SLC35F4: variants seen among roughly 807,000 people sequenced by gnomAD.
The protein encoded by SLC35F4 is solute carrier family 35 member F4.
A neutral mutation model predicts 44.2 loss-of-function variants in SLC35F4; 24 were observed. The ratio of observed to expected loss-of-function variants is 0.54; its 90% CI spans 0.39 to 0.76. The LOEUF (loss-of-function observed/expected upper bound fraction) is 0.76, where lower values mean the gene tolerates loss of function less well. SLC35F4 is among the 30% of genes least tolerant of loss of function. The pLI is 0.00. For synonymous variants in SLC35F4, 238 were observed against 223.6 expected (o/e 1.06, Z -0.57); for missense variants, 562 against 586.1 (o/e 0.96, Z 0.42).
At chr14:57,907,120 T>C (rs1490228462) in intron 1 of SLC35F4, among the ~76,000 whole-genome samples, 1 of 152,222 alleles carries the variant, frequency 6.6e-6, no homozygotes, top group African/African-American at 2.4e-5. Context: ...TCTCTCTTGC[T>C]CTGTTGTCCA....
At chr14:57,685,426 C>A (rs1313098010) in intron 1 of SLC35F4, among the ~76,000 whole-genome samples, 1 of 152,130 alleles carries the variant, frequency 6.6e-6, no homozygotes, top group African/African-American at 2.4e-5. Flanking sequence ...GGGCCCTAAT[C>A]CCTTTGGTTA....
intron 1 of SLC35F4, among the ~76,000 whole-genome samples, chr14:57,644,593 T>C (rs2073414799): frequency 6.6e-6 from 1 of 152,156 alleles, no homozygotes; most frequent in South Asian, 2.1e-4. Flanking sequence ...TGGTTTCTTT[T>C]GCTGTGCAGA....
intron 1 of SLC35F4, among the ~76,000 whole-genome samples, chr14:57,690,506 C>A (rs1373163466): frequency 6.6e-6 from 1 of 151,976 alleles, no homozygotes; most frequent in Admixed American, 6.6e-5. Context: ...GGACTGGTTT[C>A]ATGAAAGACA....
chr14:57,923,203 T>G (rs1950290), intron 1 of SLC35F4, among the ~76,000 whole-genome samples: 76,213 of 151,910 alleles, frequency 0.5, 19,462 homozygotes, highest in East Asian at 0.76. Flanking sequence ...CTTCAAACAC[T>G]TTCTCAAAGT....
chr14:57,639,958 T>G (rs1158030323), intron 1 of SLC35F4, among the ~76,000 whole-genome samples: 1 of 151,986 alleles, frequency 6.6e-6, no homozygotes, highest in African/African-American at 2.4e-5. Flanking sequence ...AATTTTAGCT[T>G]CAAGAAACAA....
chr14:57,606,705 T>C (rs556797637), intron 1 of SLC35F4, among the ~76,000 whole-genome samples: 86 of 152,304 alleles, frequency 5.6e-4, no homozygotes, highest in Non-Finnish European at 8.4e-4. Flanking sequence ...AAATACTCCT[T>C]TATGGACTGT....
chr14:57,955,176 G>A (rs1381080998), intron 1 of SLC35F4, among the ~76,000 whole-genome samples: 2 of 151,704 alleles, frequency 1.3e-5, no homozygotes, highest in Non-Finnish European at 2.9e-5. Context: ...ACATAAACAG[G>A]ACCAATGACA....
chr14:57,647,990 G>C (rs147110389), intron 1 of SLC35F4, among the ~76,000 whole-genome samples: 3,681 of 152,206 alleles, frequency 0.024, 95 homozygotes, highest in Non-Finnish European at 0.032. Flanking sequence ...GCTTTATTCA[G>C]AATTGAGCGG....
chr14:57,588,357 A>ATTTT lies in SLC35F4; in HGVS notation c.587+855_587+858dup, dbSNP rs60172708. Among the ~76,000 whole-genome samples, 298 of 150,650 alleles carry ATTTT rather than the reference A, an allele frequency of 2.0e-3. 1 individual carries two copies. Among genetic ancestry groups the ATTTT allele is most frequent in the Middle Eastern group, 0.01 (3 of 286 alleles). On this transcript the variant is annotated intron_variant, in intron 3 of 7. Transcript: ENST00000556826. ...CCATCTGCCATCCACTGGTGTCCCTATTTTTTTTTCTCCTGGGTGATCATA... is the reference window on the plus strand; with the variant it reads ...CCATCTGCCATCCACTGGTGTCCCTATTTTTTTTTTTTTCTCCTGGGTGATCATA...
intron 1 of SLC35F4, among the ~76,000 whole-genome samples, chr14:57,677,533 G>A (rs925699932): frequency 8.6e-5 from 13 of 152,038 alleles, no homozygotes; most frequent in Non-Finnish European, 1.3e-4. Context: ...AAGTTAACTT[G>A]CTGTTTGAGT....
At chr14:57,755,363 C>T (rs2076972354) in intron 1 of SLC35F4, among the ~76,000 whole-genome samples, 1 of 152,074 alleles carries the variant, frequency 6.6e-6, no homozygotes, top group African/African-American at 2.4e-5. Context: ...CTGTCATAAC[C>T]CAGAGAGTAG....
intron 1 of SLC35F4, among the ~76,000 whole-genome samples, chr14:57,645,014 G>GT (rs2073434067): frequency 6.6e-6 from 1 of 152,148 alleles, no homozygotes; most frequent in African/African-American, 2.4e-5. Flanking sequence ...TGCTGTTTTG[G>GT]TTACTGTAGC....
intron 1 of SLC35F4, among the ~76,000 whole-genome samples, chr14:57,827,769 T>C (rs1883942058): frequency 6.7e-6 from 1 of 149,168 alleles, no homozygotes; most frequent in South Asian, 2.1e-4. Context: ...AATATACAAT[T>C]ATAAGGCAAT....
At chr14:57,858,666 A>C (rs1307703132) in intron 1 of SLC35F4, among the ~76,000 whole-genome samples, 5 of 151,608 alleles carry the variant, frequency 3.3e-5, no homozygotes, top group Admixed American at 3.3e-4. Context: ...GTACCCTAGA[A>C]CTTAAAGTAT....
intron 1 of SLC35F4, among the ~76,000 whole-genome samples, chr14:57,758,276 A>G (rs1695251342): frequency 2.6e-5 from 4 of 152,020 alleles, no homozygotes; most frequent in Admixed American, 2.0e-4. Context: ...CTGGTTTGGT[A>G]TATGTGAACA....
chr14:57,718,200 A>G (rs2075992568), intron 1 of SLC35F4, among the ~76,000 whole-genome samples: 1 of 151,970 alleles, frequency 6.6e-6, no homozygotes, highest in Non-Finnish European at 1.5e-5. Context: ...GCTCAATAGT[A>G]CTCTATTGTG....
intron 1 of SLC35F4, among the ~76,000 whole-genome samples, chr14:57,653,275 AG>A (rs1436660407): frequency 6.6e-6 from 1 of 152,200 alleles, no homozygotes; most frequent in Admixed American, 6.5e-5. Flanking sequence ...CAATAAAATG[AG>A]GCATGAAAGA....
At chr14:57,821,742 A>T (rs1418949304) in intron 1 of SLC35F4, among the ~76,000 whole-genome samples, 1 of 152,196 alleles carries the variant, frequency 6.6e-6, no homozygotes, top group Admixed American at 6.5e-5. Context: ...GATTTCTAGT[A>T]AGTTGAAAGC....
rs745959302 is a variant in SLC35F4, at chr14:57,945,333, AAAG to A, written n.282+36577_282+36579del. ...TATTTCTGACTTGAGCTAAGCAGAAAAAGAAGCTGCTGCCTAAGCGGAAATGAA... is the reference window on the plus strand; with the variant it reads ...TATTTCTGACTTGAGCTAAGCAGAAAAAGCTGCTGCCTAAGCGGAAATGAA... On this transcript the variant is annotated intron_variant and non_coding_transcript_variant, in intron 1 of 1. Coordinates refer to the SLC35F4 transcript ENST00000556568. 2.6e-5 allele frequency among the ~76,000 whole-genome samples: 4 copies of A among 152,076 alleles called. No individual in the cohort carries two copies. In the East Asian group the frequency reaches 5.9e-4, roughly 22 times the overall value.
Sources: allele counts gnomAD v4.1 joint callset (sites outside exome capture counted in the v4.1 genomes callset), GRCh38; gene constraint gnomAD v4.1.1; transcripts MANE v1.5; gene names NCBI Gene and HGNC (gene_info 2026-07-23, HGNC 2026-07-21).